Variants in TMEM255B observed in about 807,000 individuals in gnomAD.
TMEM255B encodes family with sequence similarity 70, member B.
In TMEM255B, 35 loss-of-function variants were observed where a neutral mutation model predicts 34.5. The observed-to-expected ratio is 1.01, with a 90% confidence interval of 0.77 to 1.34. The LOEUF (loss-of-function observed/expected upper bound fraction) is 1.34, where lower values mean the gene tolerates loss of function less well. Among genes scored for constraint, TMEM255B ranks in the 40% most tolerant of loss-of-function variants. The pLI is 0.00. For synonymous variants in TMEM255B, 206 were observed against 201.2 expected, an observed-to-expected ratio of 1.02 and a Z score of -0.20; for missense variants, 432 against 433.2, an observed-to-expected ratio of 1.00 and a Z score of 0.02.
intron 4 of TMEM255B, among the ~76,000 whole-genome samples, chr13:113,797,175 G>A (rs1049476271): frequency 3.3e-5 from 5 of 151,786 alleles, no homozygotes; most frequent in Non-Finnish European, 7.4e-5. Context: ...GCCACGCGGG[G>A]CATGCATCTA....
chr13:113,801,708 G>C lies in TMEM255B; in HGVS notation c.565G>C (p.Val189Leu), dbSNP rs1463226310. Residue 189 changes from valine to leucine, a missense_variant, in exon 7 of 9, where the codon GTG (valine) becomes CTG (leucine). Coordinates refer to ENST00000375353, the MANE Select transcript of TMEM255B (RefSeq NM_182614.4). ...CATCGGCGTCAGCGGCTGCCAGGAC[G>C]TGCTGCACCTGTACCGCCTGCTCTG... ...EFIGVSGCQD[V>L]LHLYRLLWAS... 1.2e-6 allele frequency: 2 copies of C among 1,612,442 alleles called. No homozygotes were observed. The highest frequency in any genetic ancestry group is 1.7e-4 in the Middle Eastern group (1 of 6,054).
chr13:113,801,812 G>A lies in TMEM255B; in HGVS notation c.669G>A (p.Met223Ile). The stretch of plus-strand genomic sequence containing the variant: ...CCGTCCTGGGGGCCTTCAAGGACAT[G>A]GTGAGGCCCCTTGGTGGGACCCCCG... ...TAAVLGAFKD[M>I]VPLSQLAYGP... The change falls in exon 7 of 9, where the codon ATG (methionine) becomes ATA (isoleucine). Residue 223 changes from methionine (M) to isoleucine (I), a missense_variant and splice_region_variant. Coordinates refer to ENST00000375353, the MANE Select transcript of TMEM255B (RefSeq NM_182614.4). 1 of 1,601,266 alleles carries A rather than the reference G, an allele frequency of 6.2e-7. No homozygotes were observed. The highest frequency in any genetic ancestry group is 8.5e-7 in the Non-Finnish European group (1 of 1,173,762).
intron 4 of TMEM255B, among the ~76,000 whole-genome samples, chr13:113,797,771 C>A (rs56099283): frequency 0.12 from 18,051 of 152,244 alleles, 1,162 homozygotes; most frequent in Middle Eastern, 0.22. Flanking sequence ...GAACTAGGAG[C>A]CTTTGAGAAA....
At position 113,799,409 on chromosome 13, in the gene TMEM255B, A is replaced by C; in HGVS notation, c.413A>C (p.Tyr138Ser). 1 of 1,614,152 alleles carries C rather than the reference A, an allele frequency of 6.2e-7. No individual in the cohort carries two copies. The highest frequency in any genetic ancestry group is 8.5e-7 in the Non-Finnish European group (1 of 1,180,010). ...GGGGTGGGGTACTTGTACGATGTCT[A>C]CCAGACAGAGGTGAGCAGGAGCACT... ...SSGVGYLYDV[Y>S]QTEVTCHSLD... The change falls in exon 5 of 9, where the codon TAC becomes TCC. Residue 138 changes from tyrosine to serine, a missense_variant. Coordinates refer to ENST00000375353, the MANE Select transcript of TMEM255B (RefSeq NM_182614.4).
At chr13:113,801,364 C>T (rs1006636861) in intron 6 of TMEM255B, among the ~76,000 whole-genome samples, 1 of 152,216 alleles carries the variant, frequency 6.6e-6, no homozygotes, top group African/African-American at 2.4e-5. Flanking sequence ...AGAGATGGCT[C>T]AGCCGGGGCC....
intron 1 of TMEM255B, among the ~76,000 whole-genome samples, chr13:113,762,425 A>C (rs1212416924): frequency 6.6e-6 from 1 of 152,136 alleles, no homozygotes; most frequent in Non-Finnish European, 1.5e-5. Context: ...GTCTTTCTAG[A>C]CTTGTATAAT....
chr13:113,786,492 CCAT>C (rs966558780), intron 3 of TMEM255B, among the ~76,000 whole-genome samples: 3 of 150,886 alleles, frequency 2.0e-5, no homozygotes, highest in Admixed American at 6.6e-5. Flanking sequence ...ACTGTTGTCA[CCAT>C]CATCACCATC....
chr13:113,783,492 G>C (rs1224551304), intron 3 of TMEM255B, among the ~76,000 whole-genome samples: 2 of 152,184 alleles, frequency 1.3e-5, no homozygotes, highest in African/African-American at 4.8e-5. Context: ...GTAAAGGATT[G>C]GGCTATGTGC....
chr13:113,759,550 G>C (rs140899222), intron 1 of TMEM255B, among the ~76,000 whole-genome samples: 13 of 98,198 alleles, frequency 1.3e-4, no homozygotes, highest in Non-Finnish European at 2.1e-4. Flanking sequence ...CTCTCTCTCT[G>C]TCTCTGTCTC....
At position 113,789,798 on chromosome 13, in the gene TMEM255B, A is replaced by G. The variant is rs537826286; in HGVS notation, c.253-5350A>G. Among the ~76,000 whole-genome samples the G allele has an allele frequency of 2.2e-4, 32 of 146,988 alleles. No homozygotes were observed. The East Asian group carries it at 5.6e-3, about 26-fold the overall frequency. On this transcript the variant is annotated intron_variant, in intron 3 of 8. Transcript: ENST00000375353. ...TCCTAGCCCTGGACTGACCGTGTAC[A>G]TAGACATCCTAATGCTGAACTGACC...
At chr13:113,795,570 CACAG>C (rs1443927898) in intron 4 of TMEM255B, among the ~76,000 whole-genome samples, 1 of 146,146 alleles carries the variant, frequency 6.8e-6, no homozygotes, top group African/African-American at 2.5e-5. Flanking sequence ...CCACACAACA[CACAG>C]AGCACACAGC....
intron 1 of TMEM255B, among the ~76,000 whole-genome samples, chr13:113,764,263 C>T (rs768633391): frequency 7.9e-5 from 12 of 152,190 alleles, no homozygotes; most frequent in Admixed American, 1.3e-4. Flanking sequence ...GTGCTGTGCC[C>T]GCCCCTGCAC....
intron 3 of TMEM255B, among the ~76,000 whole-genome samples, chr13:113,788,026 C>T (rs1284958629): frequency 9.1e-6 from 1 of 110,298 alleles, no homozygotes; most frequent in African/African-American, 3.5e-5. Flanking sequence ...GGCACCATGC[C>T]GCAGAGGGGA....
intron 8 of TMEM255B, among the ~76,000 whole-genome samples, chr13:113,807,488 C>T (rs2051200205): frequency 8.2e-6 from 1 of 122,522 alleles, no homozygotes; most frequent in Admixed American, 8.8e-5. Context: ...CACACGCGGG[C>T]TTATGGGATG....
chr13:113,800,691 G>T, intron 5 of TMEM255B, 136 bp from the exon 6 acceptor site: 1 of 767,630 alleles, frequency 1.3e-6, no homozygotes, highest in Non-Finnish European at 2.2e-6. Flanking sequence ...CTGGAGTCGG[G>T]GGAAAGTCGG....
chr13:113,779,518 A>G (rs1005465574), intron 3 of TMEM255B, among the ~76,000 whole-genome samples: 5 of 150,754 alleles, frequency 3.3e-5, no homozygotes, highest in Non-Finnish European at 7.4e-5. Flanking sequence ...GGGGTGGAAG[A>G]GGTGGATTTG....
chr13:113,807,412 G>A (rs1408755351), intron 8 of TMEM255B, among the ~76,000 whole-genome samples: 4 of 137,804 alleles, frequency 2.9e-5, no homozygotes, highest in Non-Finnish European at 4.6e-5. Flanking sequence ...GTGGGCTTAC[G>A]GGATGTGGGG....
At chr13:113,808,800 G>C (rs1476145488) in intron 8 of TMEM255B, among the ~76,000 whole-genome samples, 2 of 113,052 alleles carry the variant, frequency 1.8e-5, no homozygotes, top group Admixed American at 9.2e-5. Context: ...CCTGGGGGGG[G>C]GGTTACTCCA....
intron 4 of TMEM255B, among the ~76,000 whole-genome samples, chr13:113,798,972 C>G (rs2050993205): frequency 6.6e-6 from 1 of 152,150 alleles, no homozygotes; most frequent in Non-Finnish European, 1.5e-5. Flanking sequence ...GTAGAAGAGA[C>G]AATATTTTCT....
Sources: gnomAD v4.1 joint callset for allele counts (sites outside exome capture counted in the v4.1 genomes callset) on GRCh38, gnomAD v4.1.1 for gene constraint, MANE v1.5 for transcripts, NCBI Gene and HGNC (gene_info 2026-07-23, HGNC 2026-07-21) for gene names.